The following FNDC1 variants were observed in gnomAD, a reference collection of about 807,000 sequenced individuals.
FNDC1 encodes fibronectin type III domain-containing protein 1.
A neutral mutation model predicts 168.0 loss-of-function variants in FNDC1; 96 were observed. That is an observed-to-expected ratio of 0.57 (90% CI 0.48 to 0.68). The LOEUF is 0.68. FNDC1 is among the 30% of genes least tolerant of loss of function. The pLI is 0.00. For missense variants in FNDC1, 2,587 were observed against 2,482.1 expected (o/e 1.04, Z -0.90); for synonymous variants, 1,099 against 1,025.9 (o/e 1.07, Z -1.36).
At chr6:159,182,550 T>A (rs1397272701) in intron 1 of FNDC1, among the ~76,000 whole-genome samples, 1 of 152,220 alleles carries the variant, frequency 6.6e-6, no homozygotes. Flanking sequence ...CCTGATAATG[T>A]TTCTTGTTAG....
chr6:159,251,071 T>C (rs907191145), intron 16 of FNDC1, among the ~76,000 whole-genome samples: 1 of 152,188 alleles, frequency 6.6e-6, no homozygotes, highest in African/African-American at 2.4e-5. Context: ...TAGTCATTGA[T>C]GTCCATGGGG....
chr6:159,187,732 A>G (rs1264797839), intron 1 of FNDC1, among the ~76,000 whole-genome samples: 1 of 152,196 alleles, frequency 6.6e-6, no homozygotes, highest in Non-Finnish European at 1.5e-5. Context: ...GCCAAATATA[A>G]TTCCAACATC....
intron 1 of FNDC1, among the ~76,000 whole-genome samples, chr6:159,190,281 GA>G (rs977652812): frequency 3.5e-4 from 53 of 152,320 alleles, no homozygotes; most frequent in African/African-American, 1.3e-3. Flanking sequence ...CACAACAGAG[GA>G]CATTTCTGGC....
Position 159,212,539 on chromosome 6 carries a change from A to T in FNDC1, c.461-2406A>T, listed in dbSNP as rs529010007. Among the ~76,000 whole-genome samples, 11 of 152,274 alleles carry T rather than the reference A, an allele frequency of 7.2e-5. No individual in the cohort carries two copies. The South Asian group carries it at 2.3e-3, about 32-fold the overall frequency. On this transcript the variant is annotated intron_variant, in intron 4 of 22. Coordinates refer to ENST00000297267, the MANE Select transcript of FNDC1 (RefSeq NM_032532.3). ...GAAATTTTCAAAATACTTGAAAAAA[A>T]TGGGGTTGGTTTTTCTAAACCCAAA...
At chr6:159,244,148 A>G (rs1200331470) in intron 14 of FNDC1, among the ~76,000 whole-genome samples, 1 of 152,252 alleles carries the variant, frequency 6.6e-6, no homozygotes, top group Non-Finnish European at 1.5e-5. Flanking sequence ...AAGCAAGACG[A>G]CATTCCTAAA....
chr6:159,242,662 GAGAAACTCCGTACTC>G (rs1352635406), intron 14 of FNDC1, among the ~76,000 whole-genome samples: 1 of 152,022 alleles, frequency 6.6e-6, no homozygotes, highest in African/African-American at 2.4e-5. Context: ...ATCACCCCAG[GAGAAACTCCGTACTC>G]ATTAGCAGTC....
chr6:159,205,255 G>A lies in FNDC1; in HGVS notation c.460+4674G>A, dbSNP rs377254935. 5.2e-4 allele frequency among the ~76,000 whole-genome samples: 79 copies of A among 152,288 alleles called. 4 individuals carry two copies. Among genetic ancestry groups the A allele is most frequent in the African/African-American group, 1.8e-3 (73 of 41,552 alleles). On this transcript the variant is annotated intron_variant, in intron 4 of 22. Transcript: ENST00000297267. ...TGGCATTGTAAAGATTTCTTATCTA[G>A]CACTCTTTTCATGGGCATAGCTACA...
Position 159,221,673 on chromosome 6 carries a change from C to T in FNDC1, c.743C>T (p.Ala248Val). Residue 248 changes from alanine (A) to valine (V), a missense_variant, in exon 6 of 23, where the codon GCC becomes GTC. Transcript: ENST00000297267. Reference sequence around the variant, plus strand: ...CGGAGCCAACCAGTCTACAGGGCTGCCCTAACAAAGCGAAAGATTTCAGGT... The same window carrying T: ...CGGAGCCAACCAGTCTACAGGGCTGTCCTAACAAAGCGAAAGATTTCAGGT... ...QGRSQPVYRA[A>V]LTKRKISEED... The T allele has an allele frequency of 6.2e-7, 1 of 1,613,924 alleles. No homozygotes were observed. The highest frequency in any genetic ancestry group is 8.5e-7 in the Non-Finnish European group (1 of 1,179,816).
intron 17 of FNDC1, 37 bp from the exon 18 acceptor site, chr6:159,256,486 T>C (rs1237524842): frequency 6.8e-7 from 1 of 1,473,122 alleles, no homozygotes; most frequent in Admixed American, 1.7e-5. Flanking sequence ...ACTTGGTTCC[T>C]TGGTGTCCAT....
At chr6:159,254,990 T>C (rs1420385975) in intron 17 of FNDC1, among the ~76,000 whole-genome samples, 1 of 152,222 alleles carries the variant, frequency 6.6e-6, no homozygotes, top group African/African-American at 2.4e-5. Flanking sequence ...ATCTCTCACC[T>C]GGTTACTGTA....
At chr6:159,190,153 G>A (rs1221808478) in intron 1 of FNDC1, among the ~76,000 whole-genome samples, 1 of 152,174 alleles carries the variant, frequency 6.6e-6, no homozygotes, top group Non-Finnish European at 1.5e-5. Flanking sequence ...CCTCATCCTC[G>A]CCCTGAGGGG....
At chr6:159,204,930 C>T (rs1782457582) in intron 4 of FNDC1, among the ~76,000 whole-genome samples, 1 of 152,182 alleles carries the variant, frequency 6.6e-6, no homozygotes, top group Admixed American at 6.5e-5. Context: ...TTGCTTCCTG[C>T]TTCCCTGGGG....
intron 2 of FNDC1, among the ~76,000 whole-genome samples, chr6:159,199,723 T>C (rs1782331576): frequency 6.6e-6 from 1 of 152,228 alleles, no homozygotes. Context: ...TTGTTGAGTG[T>C]TGATGAATCC....
intron 22 of FNDC1, 96 bp downstream of exon 22, chr6:159,268,022 C>T: frequency 7.6e-7 from 1 of 1,314,504 alleles, no homozygotes; most frequent in East Asian, 2.5e-5. Flanking sequence ...TTTGCCTTGT[C>T]ATTCGAAGAT....
chr6:159,189,889 A>C (rs1187286449), intron 1 of FNDC1, among the ~76,000 whole-genome samples: 1 of 152,112 alleles, frequency 6.6e-6, no homozygotes, highest in African/African-American at 2.4e-5. Flanking sequence ...ATGTCATCTC[A>C]TTCCTGGGAC....
At chr6:159,235,276 G>C (rs1783224325) in intron 11 of FNDC1, among the ~76,000 whole-genome samples, 1 of 151,600 alleles carries the variant, frequency 6.6e-6, no homozygotes, top group Admixed American at 6.6e-5. Context: ...AACCCTCCTT[G>C]TATGTAATTG....
intron 14 of FNDC1, among the ~76,000 whole-genome samples, chr6:159,246,140 G>A (rs570602912): frequency 6.6e-6 from 1 of 152,286 alleles, no homozygotes; most frequent in African/African-American, 2.4e-5. Flanking sequence ...TACATTTAAA[G>A]TATAATTCTG....
intron 12 of FNDC1, among the ~76,000 whole-genome samples, 191 bp from the exon 13 acceptor site, chr6:159,238,363 G>A (rs1431293493): frequency 6.6e-6 from 1 of 152,122 alleles, no homozygotes; most frequent in Non-Finnish European, 1.5e-5. Context: ...GGGATTACAA[G>A]CGTGAGCCAC....
rs1426155067 is a variant in FNDC1 at position 159,233,960 on chromosome 6, G to C, written c.3448G>C (p.Val1150Leu). The change falls in exon 11 of 23, where the codon GTA (valine) becomes CTA (leucine). Residue 1150 changes from valine (V) to leucine (L), a missense_variant. Coordinates refer to ENST00000297267, the MANE Select transcript of FNDC1 (RefSeq NM_032532.3). The surrounding 1 kb of genome is among the most constrained non-coding windows in gnomAD (Gnocchi z 4.6). ...CGGCGGCCCCCAGTCCCGCGCCCGG[G>C]TACCCAGCAGGGCAGCGCCGGGGAA... ...RPGGPQSRAR[V>L]PSRAAPGKSE... The C allele has an allele frequency of 1.3e-6, 2 of 1,580,916 alleles. No homozygotes were observed. Among genetic ancestry groups the C allele is most frequent in the Admixed American group, 1.8e-5 (1 of 55,036 alleles).
Sources: allele counts gnomAD v4.1 joint callset (sites outside exome capture counted in the v4.1 genomes callset), GRCh38; gene constraint gnomAD v4.1.1; non-coding constraint Gnocchi (gnomAD v3.1); transcripts MANE v1.5; gene names NCBI Gene and HGNC (gene_info 2026-07-23, HGNC 2026-07-21).